The following AGPS variants were observed in gnomAD, a reference collection of about 807,000 sequenced individuals.
AGPS encodes alkyldihydroxyacetonephosphate synthase, peroxisomal.
AGPS carries 26 observed loss-of-function variants against 90.7 expected under a neutral mutation model. That is an observed-to-expected ratio of 0.29 (90% CI 0.21 to 0.40). The LOEUF (loss-of-function observed/expected upper bound fraction) is 0.40. Among genes scored for constraint, AGPS ranks in the 10% least tolerant of loss-of-function variants. The probability of loss-of-function intolerance (pLI) is 1.00; values close to 1 mark genes in which losing one functional copy is unlikely to be tolerated. For synonymous variants in AGPS, 294 were observed against 285.3 expected (o/e 1.03, Z -0.31); for missense variants, 540 against 816.1 (o/e 0.66, Z 4.12).
At chr2:177,511,908 T>G (rs1688884962) in intron 16 of AGPS, among the ~76,000 whole-genome samples, 1 of 152,204 alleles carries the variant, frequency 6.6e-6, no homozygotes, top group South Asian at 2.1e-4. Flanking sequence ...GCTCTTAATA[T>G]TTTCCTGTTT....
chr2:177,464,115 A>G (rs1472549596), intron 9 of AGPS, among the ~76,000 whole-genome samples: 1 of 151,796 alleles, frequency 6.6e-6, no homozygotes, highest in Non-Finnish European at 1.5e-5. Flanking sequence ...CTAATTTTGT[A>G]TTTTTAGTAG....
chr2:177,481,776 A>G (rs1449673281), intron 10 of AGPS, among the ~76,000 whole-genome samples: 2 of 152,068 alleles, frequency 1.3e-5, no homozygotes, highest in Non-Finnish European at 2.9e-5. Flanking sequence ...ATACTTTAAA[A>G]GCCATTTAAA....
chr2:177,397,001 C>T (rs1462875671), intron 1 of AGPS, among the ~76,000 whole-genome samples: 12 of 146,818 alleles, frequency 8.2e-5, no homozygotes, highest in African/African-American at 1.5e-4. Flanking sequence ...TGAAGTGGCG[C>T]GATCTCAGCT....
chr2:177,452,100 C>T (rs1260855178), intron 8 of AGPS, among the ~76,000 whole-genome samples: 2 of 152,162 alleles, frequency 1.3e-5, no homozygotes, highest in Non-Finnish European at 2.9e-5. Flanking sequence ...TTATGGCCCA[C>T]AGTACAGCCT....
At chr2:177,486,397 T>C (rs1036252187) in intron 11 of AGPS, among the ~76,000 whole-genome samples, 6 of 152,194 alleles carry the variant, frequency 3.9e-5, no homozygotes, top group Admixed American at 2.0e-4. Flanking sequence ...GTACAGTATT[T>C]GCTGCCTTCC....
intron 17 of AGPS, among the ~76,000 whole-genome samples, chr2:177,518,802 TA>T (rs751289244): frequency 6.6e-6 from 1 of 151,934 alleles, no homozygotes; most frequent in Non-Finnish European, 1.5e-5. Flanking sequence ...CCAGTGTGGC[TA>T]TTGGGAGTTT....
chr2:177,437,080 T>G (rs1433378607), intron 5 of AGPS, 26 bp downstream of exon 5: 1 of 1,596,382 alleles, frequency 6.3e-7, no homozygotes, highest in East Asian at 2.2e-5. Context: ...CTCGTATCAT[T>G]AATTTAGTAT....
Position 177,495,745 on chromosome 2 carries a change from T to TAAA in AGPS, c.1286-1931_1286-1929dup, listed in dbSNP as rs375905234. On this transcript the variant is annotated intron_variant, in intron 12 of 19. Coordinates refer to ENST00000264167, the MANE Select transcript of AGPS (RefSeq NM_003659.4). Reference sequence around the variant, plus strand: ...CAACATGGTGAAACCCTGTCTCTACTAAAAAAAAAAAAAAATACAAAAATT... The same window carrying TAAA: ...CAACATGGTGAAACCCTGTCTCTACTAAAAAAAAAAAAAAAAAATACAAAAATT... Among the ~76,000 whole-genome samples the TAAA allele has an allele frequency of 7.5e-3, 1,057 of 140,174 alleles. 7 individuals carry two copies. The highest frequency in any genetic ancestry group is 0.014 in the South Asian group (61 of 4,410). The allele number at this position is 140,174 out of a possible 152,430, so 92.0% of individuals were successfully genotyped here.
chr2:177,484,025 T>A (rs1454367325), intron 11 of AGPS, among the ~76,000 whole-genome samples: 4 of 134,184 alleles, frequency 3.0e-5, no homozygotes, highest in South Asian at 2.4e-4. Flanking sequence ...TTTTTTTTTT[T>A]AAATGACCAG....
intron 1 of AGPS, among the ~76,000 whole-genome samples, chr2:177,414,137 A>G (rs1446331270): frequency 6.6e-6 from 1 of 151,812 alleles, no homozygotes; most frequent in Non-Finnish European, 1.5e-5. Flanking sequence ...TCATTTATTC[A>G]TGATAAATGT....
chr2:177,409,210 A>C (rs1369073661), intron 1 of AGPS, among the ~76,000 whole-genome samples: 3 of 146,920 alleles, frequency 2.0e-5, no homozygotes, highest in South Asian at 2.1e-4. Flanking sequence ...ACCAAAAAAA[A>C]CCCAACTACT....
intron 14 of AGPS, among the ~76,000 whole-genome samples, 185 bp from the exon 15 acceptor site, chr2:177,505,321 G>A (rs1364471614): frequency 2.0e-5 from 3 of 152,012 alleles, no homozygotes; most frequent in Non-Finnish European, 4.4e-5. Flanking sequence ...ATGGGTAGAA[G>A]TAGTTGAGTT....
chr2:177,531,636 T>C (rs1406167301), intron 19 of AGPS, among the ~76,000 whole-genome samples: 1 of 152,148 alleles, frequency 6.6e-6, no homozygotes, highest in Admixed American at 6.6e-5. Context: ...TAAATAGATA[T>C]AGAAAATATT....
intron 11 of AGPS, among the ~76,000 whole-genome samples, chr2:177,491,344 T>C (rs920801346): frequency 2.6e-5 from 4 of 151,652 alleles, no homozygotes; most frequent in African/African-American, 9.7e-5. Context: ...CTGCAACCTC[T>C]TCCTCCTGGG....
intron 16 of AGPS, among the ~76,000 whole-genome samples, chr2:177,509,771 A>G (rs1688818510): frequency 6.6e-6 from 1 of 152,188 alleles, no homozygotes; most frequent in South Asian, 2.1e-4. Context: ...ATAAATGCTT[A>G]ACATCTTTCC....
At chr2:177,415,834 T>C (rs1427738565) in intron 1 of AGPS, among the ~76,000 whole-genome samples, 5 of 152,196 alleles carry the variant, frequency 3.3e-5, no homozygotes, top group African/African-American at 9.7e-5. Context: ...CCTTTTTTTT[T>C]TCTCTCTAGG....
chr2:177,427,386 C>T (rs964871249), intron 2 of AGPS, among the ~76,000 whole-genome samples: 11 of 152,062 alleles, frequency 7.2e-5, no homozygotes, highest in Non-Finnish European at 1.5e-4. Flanking sequence ...TTCTTGTGTT[C>T]TGCTACCTTT....
chr2:177,465,290 T>TA (rs1233757090), intron 9 of AGPS, among the ~76,000 whole-genome samples: 1 of 138,530 alleles, frequency 7.2e-6, no homozygotes, highest in Non-Finnish European at 1.5e-5. Flanking sequence ...CAAGATCCTA[T>TA]TTTTTTTTTA....
chr2:177,428,925 A>G (rs905214781), intron 2 of AGPS, among the ~76,000 whole-genome samples: 1 of 152,178 alleles, frequency 6.6e-6, no homozygotes, highest in African/African-American at 2.4e-5. Context: ...ACTTGGTTCC[A>G]TTCTCTCCAT....
Sources: gnomAD v4.1 joint callset for allele counts (sites outside exome capture counted in the v4.1 genomes callset) on GRCh38, gnomAD v4.1.1 for gene constraint, MANE v1.5 for transcripts, NCBI Gene and HGNC (gene_info 2026-07-23, HGNC 2026-07-21) for gene names.